The following GLIS3 variants were observed in gnomAD, a reference collection of about 807,000 sequenced individuals.
GLIS3 encodes the protein GLIS family zinc finger 3.
In GLIS3, 53 loss-of-function variants were observed where a neutral mutation model predicts 78.6. The observed-to-expected ratio is 0.67, with a 90% CI of 0.54 to 0.85. GLIS3 has a LOEUF of 0.85. GLIS3 is among the 40% of genes least tolerant of loss of function. The pLI, the probability that GLIS3 is intolerant of heterozygous loss-of-function variation, is 0.00. For synonymous variants in GLIS3, 684 were observed against 509.9 expected (o/e 1.34, Z -4.60); for missense variants, 1,703 against 1,231.1 (o/e 1.38, Z -5.74).
At chr9:4,216,088 T>TA (rs200504994) in intron 2 of GLIS3, among the ~76,000 whole-genome samples, 332 of 149,800 alleles carry the variant, frequency 2.2e-3, no homozygotes, top group African/African-American at 6.5e-3. Flanking sequence ...GAAGATTGTT[T>TA]AAAAAAAAAA....
chr9:4,427,872 G>C, the GLIS3 span, among the ~76,000 whole-genome samples: 1 of 151,058 alleles, frequency 6.6e-6, no homozygotes, highest in Non-Finnish European at 1.5e-5. Flanking sequence ...AAAAGAAGAA[G>C]AACAATTAGA....
intron 7 of GLIS3, among the ~76,000 whole-genome samples, chr9:3,892,082 G>A (rs979019330): frequency 1.1e-4 from 16 of 152,154 alleles, no homozygotes; most frequent in African/African-American, 3.9e-4. Flanking sequence ...GTAGGACTAG[G>A]TGTTAGTAGA....
At chr9:4,331,762 T>A (rs1331584143) in intron 2 of GLIS3, among the ~76,000 whole-genome samples, 1 of 152,108 alleles carries the variant, frequency 6.6e-6, no homozygotes, top group Non-Finnish European at 1.5e-5. Flanking sequence ...AGGTGAGACC[T>A]GAAGGATGAG....
chr9:3,861,992 G>A (rs1035714876), intron 8 of GLIS3, among the ~76,000 whole-genome samples: 14 of 152,172 alleles, frequency 9.2e-5, no homozygotes, highest in African/African-American at 3.1e-4. Flanking sequence ...TCATGTGGCT[G>A]ATTTTCTAGT....
intron 9 of GLIS3, among the ~76,000 whole-genome samples, chr9:3,839,938 T>C (rs1818612562): frequency 6.6e-6 from 1 of 152,106 alleles, no homozygotes; most frequent in Non-Finnish European, 1.5e-5. Flanking sequence ...CTTCAGAAAT[T>C]TCTCATGGCC....
chr9:4,216,776 G>A (rs1820891323), intron 2 of GLIS3, among the ~76,000 whole-genome samples: 1 of 152,112 alleles, frequency 6.6e-6, no homozygotes, highest in African/African-American at 2.4e-5. Flanking sequence ...TACCATAGCT[G>A]TTCATTCTCC....
intron 2 of GLIS3, among the ~76,000 whole-genome samples, chr9:4,177,003 C>T (rs1816865419): frequency 6.6e-6 from 1 of 152,200 alleles, no homozygotes; most frequent in Admixed American, 6.5e-5. Context: ...AGAGCAACAT[C>T]AGTACATTTA....
intron 4 of GLIS3, among the ~76,000 whole-genome samples, chr9:4,052,848 G>C (rs1825836074): frequency 6.6e-6 from 1 of 152,192 alleles, no homozygotes; most frequent in Admixed American, 6.5e-5. Context: ...CCTAGGAGTA[G>C]AATTGCTGGG....
At chr9:3,877,266 T>C (rs1821379890) in intron 8 of GLIS3, among the ~76,000 whole-genome samples, 1 of 152,186 alleles carries the variant, frequency 6.6e-6, no homozygotes, top group South Asian at 2.1e-4. Flanking sequence ...AAAATCTTAA[T>C]TTATAGGAAT....
chr9:4,478,830 C>T, the GLIS3 span, among the ~76,000 whole-genome samples: 9 of 152,244 alleles, frequency 5.9e-5, no homozygotes, highest in African/African-American at 1.7e-4. Context: ...GATGCTAAAA[C>T]CATATGTGAA....
chr9:3,834,296 A>G (rs1263216658), intron 9 of GLIS3, among the ~76,000 whole-genome samples: 1 of 152,176 alleles, frequency 6.6e-6, no homozygotes, highest in African/African-American at 2.4e-5. Context: ...TAGAGGAGAA[A>G]GGAATTACAT....
the GLIS3 span, among the ~76,000 whole-genome samples, chr9:4,419,080 C>T: frequency 8.5e-5 from 13 of 152,180 alleles, no homozygotes; most frequent in Non-Finnish European, 1.3e-4. Flanking sequence ...TACACCATTG[C>T]TGAGAGCTGG....
chr9:3,851,797 ATG>A (rs1315684864), intron 9 of GLIS3, among the ~76,000 whole-genome samples: 1 of 152,180 alleles, frequency 6.6e-6, no homozygotes, highest in African/African-American at 2.4e-5. Flanking sequence ...AAAAATATAA[ATG>A]TATATTTATT....
chr9:4,202,455 A>G (rs908606024), intron 2 of GLIS3, among the ~76,000 whole-genome samples: 12 of 151,370 alleles, frequency 7.9e-5, no homozygotes, highest in African/African-American at 2.7e-4. Context: ...ATAAAATAAA[A>G]ATAAAAATAA....
chr9:3,856,129 G>A lies in GLIS3; in HGVS notation c.2353C>T (p.Pro785Ser), dbSNP rs761305387. The A allele has an allele frequency of 6.2e-7, 1 of 1,614,048 alleles. No individual in the cohort carries two copies. The highest frequency in any genetic ancestry group is 8.5e-7 in the Non-Finnish European group (1 of 1,180,016). ...HHISPRRVPA[P>S]SSILQRTQPP... ...TGTGTTCTTTGCAGTATTGAAGAAG[G>A]AGCTGGAACTCTCCGGGGGCTGATG... The change falls in exon 9 of 11, where the codon CCT becomes TCT. Residue 785 changes from proline (P) to serine (S), a missense_variant. Pro to Ser is a moderately conservative substitution (Grantham distance 74). Transcript: ENST00000381971.
chr9:4,166,482 C>A (rs747401820), intron 2 of GLIS3, among the ~76,000 whole-genome samples: 5 of 152,148 alleles, frequency 3.3e-5, no homozygotes, highest in African/African-American at 4.8e-5. Context: ...AAGAATAAAT[C>A]AAAAAAATAA....
At chr9:4,400,136 A>G in the GLIS3 span, among the ~76,000 whole-genome samples, 1 of 152,178 alleles carries the variant, frequency 6.6e-6, no homozygotes, top group African/African-American at 2.4e-5. Context: ...CAGGAGGTAC[A>G]TGTGTATTTG....
At chr9:4,416,836 T>TTA in the GLIS3 span, among the ~76,000 whole-genome samples, 2 of 149,670 alleles carry the variant, frequency 1.3e-5, no homozygotes, top group African/African-American at 2.5e-5. Context: ...TTTTTTTTTT[T>TTA]AGATGGAGTT....
At chr9:3,925,680 T>G (rs983927386) in intron 6 of GLIS3, among the ~76,000 whole-genome samples, 3 of 152,184 alleles carry the variant, frequency 2.0e-5, no homozygotes, top group Non-Finnish European at 4.4e-5. Flanking sequence ...TGGGGTAGGA[T>G]CCAGCCACCC....
Sources: allele counts gnomAD v4.1 joint callset (sites outside exome capture counted in the v4.1 genomes callset), GRCh38; gene constraint gnomAD v4.1.1; transcripts MANE v1.5; gene names NCBI Gene and HGNC (gene_info 2026-07-23, HGNC 2026-07-21).